Variants in ZNF423 observed in about 807,000 individuals in gnomAD.
ZNF423 encodes the protein zinc finger protein 423.
Under a neutral mutation model 95.8 loss-of-function variants are expected in ZNF423, and 12 were observed. That is an observed-to-expected ratio of 0.13 (90% CI 0.08 to 0.20). ZNF423 has a LOEUF of 0.20. ZNF423 is among the 10% of genes least tolerant of loss of function. The pLI is 1.00. For missense variants in ZNF423, 1,316 were observed against 1,737.1 expected, an observed-to-expected ratio of 0.76 and a Z score of 4.31; for synonymous variants, 749 against 711.9, an observed-to-expected ratio of 1.05 and a Z score of -0.83.
chr16:49,667,964 A>G (rs1164038634), intron 3 of ZNF423, among the ~76,000 whole-genome samples: 1 of 152,182 alleles, frequency 6.6e-6, no homozygotes, highest in Non-Finnish European at 1.5e-5. Context: ...GGCAGTGTGC[A>G]AAGAGGTCTG....
intron 6 of ZNF423, among the ~76,000 whole-genome samples, chr16:49,524,687 C>G (rs897682945): frequency 1.3e-5 from 2 of 152,218 alleles, no homozygotes; most frequent in African/African-American, 2.4e-5. Flanking sequence ...TTCAGAGATA[C>G]CCTCCTGCCA....
intron 1 of ZNF423, among the ~76,000 whole-genome samples, chr16:49,843,051 T>C (rs772798410): frequency 6.6e-6 from 1 of 151,876 alleles, no homozygotes; most frequent in Non-Finnish European, 1.5e-5. Context: ...GAAATGTGCA[T>C]TCATGCCCTA....
At chr16:49,505,641 G>A (rs902769867) in intron 7 of ZNF423, among the ~76,000 whole-genome samples, 3 of 152,210 alleles carry the variant, frequency 2.0e-5, no homozygotes, top group Non-Finnish European at 2.9e-5. Context: ...AGCTGAGACC[G>A]ATTACACTTT....
At chr16:49,775,359 G>C (rs2034103498) in intron 2 of ZNF423, among the ~76,000 whole-genome samples, 1 of 152,146 alleles carries the variant, frequency 6.6e-6, no homozygotes, top group South Asian at 2.1e-4. Flanking sequence ...GCTGCCAGGA[G>C]GCTCAAAGGC....
chr16:49,729,303 C>T (rs914817501), intron 3 of ZNF423, among the ~76,000 whole-genome samples: 1 of 152,134 alleles, frequency 6.6e-6, no homozygotes, highest in African/African-American at 2.4e-5. Flanking sequence ...CATGTTAATT[C>T]TTGGCTAAAT....
Position 49,720,603 on chromosome 16 carries a change from G to A in ZNF423, c.301+10168C>T, listed in dbSNP as rs758581814. Reference sequence around the variant, plus strand: ...ACATTCAAACCAAAAAAGGTTTGAGGATATACACACCAAGGATTCTGCTTC... The same window carrying A: ...ACATTCAAACCAAAAAAGGTTTGAGAATATACACACCAAGGATTCTGCTTC... On this transcript the variant is annotated intron_variant, in intron 3 of 7. Coordinates refer to ENST00000563137, the MANE Select transcript of ZNF423 (RefSeq NM_001379286.1). Among the ~76,000 whole-genome samples the A allele has an allele frequency of 5.0e-4, 76 of 152,218 alleles. 1 individual carries two copies. The highest frequency in any genetic ancestry group is 7.6e-4 in the Non-Finnish European group (52 of 68,044).
In ZNF423 at chr16:49,637,778, C is replaced by T. The variant is rs747287497; in HGVS notation, c.1398G>A (p.Glu466=). 1.9e-6 allele frequency: 3 copies of T among 1,614,108 alleles called. No homozygotes were observed. Among genetic ancestry groups the T allele is most frequent in the South Asian group, 1.1e-5 (1 of 91,078 alleles). Residue 466 remains glutamate, a synonymous_variant, in exon 4 of 8, where the codon GAG becomes GAA. Coordinates refer to ENST00000563137, the MANE Select transcript of ZNF423 (RefSeq NM_001379286.1). The surrounding 1 kb of genome is among the most constrained non-coding windows in gnomAD (Gnocchi z 5.6). ...DSMPTLYNLN[E]HVRKLHKNHA... ...GGTTCTTGTGCAGCTTGCGAACGTG[C>T]TCGTTGAGGTTGTAGAGGGTGGGCA...
At chr16:49,608,603 G>A (rs1359675488) in intron 5 of ZNF423, among the ~76,000 whole-genome samples, 1 of 152,180 alleles carries the variant, frequency 6.6e-6, no homozygotes. Context: ...TGACAAAGCG[G>A]TGAGGATCCT....
intron 7 of ZNF423, among the ~76,000 whole-genome samples, chr16:49,518,877 AGACC>A (rs1968269070): frequency 6.6e-6 from 1 of 152,216 alleles, no homozygotes; most frequent in African/African-American, 2.4e-5. Context: ...CAGTATCATG[AGACC>A]CCACCTATAA....
intron 1 of ZNF423, among the ~76,000 whole-genome samples, chr16:49,851,974 C>T (rs977161422): frequency 6.6e-6 from 1 of 152,138 alleles, no homozygotes; most frequent in Admixed American, 6.5e-5. Flanking sequence ...TTTGTTTTGC[C>T]CTTCCTACAA....
At chr16:49,599,388 C>A (rs1971284204) in intron 5 of ZNF423, among the ~76,000 whole-genome samples, 1 of 152,220 alleles carries the variant, frequency 6.6e-6, no homozygotes, top group African/African-American at 2.4e-5. Context: ...TCAGTGTTCC[C>A]TGGGACTGTG....
intron 7 of ZNF423, among the ~76,000 whole-genome samples, chr16:49,516,638 A>C (rs1199949496): frequency 6.6e-6 from 1 of 152,230 alleles, no homozygotes. Context: ...GCACACTTCT[A>C]CCGACAGGGA....
chr16:49,663,387 C>T (rs1372539761), intron 3 of ZNF423, among the ~76,000 whole-genome samples: 4 of 152,124 alleles, frequency 2.6e-5, no homozygotes, highest in Non-Finnish European at 4.4e-5. Flanking sequence ...CCACTGAGGC[C>T]CCCCAGCCCA....
chr16:49,490,058 C>T lies in ZNF423; in HGVS notation c.*1217G>A, dbSNP rs1250954080. On this transcript the variant is annotated 3_prime_UTR_variant, in exon 8 of 8. Coordinates refer to ENST00000563137, the MANE Select transcript of ZNF423 (RefSeq NM_001379286.1). ...CTGCCTGCCTCACTCCAGACCTGGC[C>T]CCCGCCACCAGTCTCAATGCTCTCA... 1.3e-5 allele frequency: 2 copies of T among 152,324 alleles called. No individual in the cohort carries two copies. The highest frequency in any genetic ancestry group is 6.5e-5 in the Admixed American group (1 of 15,292). The allele number at this position is 152,324 out of a possible 1,614,324, so 9.4% of individuals were successfully genotyped here. A position where few individuals can be genotyped will look rare whatever the true frequency, so the allele number is the denominator to read the frequency against.
chr16:49,577,007 A>T (rs1970520089), intron 5 of ZNF423, among the ~76,000 whole-genome samples: 1 of 152,244 alleles, frequency 6.6e-6, no homozygotes, highest in Non-Finnish European at 1.5e-5. Context: ...TTCTCAAAAG[A>T]ATCTGGAAAT....
intron 7 of ZNF423, among the ~76,000 whole-genome samples, chr16:49,513,738 G>A (rs1403992706): frequency 6.6e-6 from 1 of 152,140 alleles, no homozygotes; most frequent in Non-Finnish European, 1.5e-5. Flanking sequence ...AGAGTTTGGT[G>A]TAGACGTAGT....
chr16:49,518,029 C>T (rs1968225223), intron 7 of ZNF423: 3 of 451,308 alleles, frequency 6.6e-6, no homozygotes, highest in South Asian at 4.7e-5. Context: ...ACACTTCCTC[C>T]TGGTGATGAT....
chr16:49,856,369 C>G (rs1249764277), upstream of ZNF423, among the ~76,000 whole-genome samples: 1 of 147,490 alleles, frequency 6.8e-6, no homozygotes, highest in Non-Finnish European at 1.5e-5. Flanking sequence ...TCGAGGGTAT[C>G]TCAAGGGGGG....
At chr16:49,528,908 C>T (rs960209326) in intron 5 of ZNF423, among the ~76,000 whole-genome samples, 4 of 152,092 alleles carry the variant, frequency 2.6e-5, no homozygotes, top group Admixed American at 6.5e-5. Context: ...ACCCCGCAGG[C>T]GCTGACAACC....
Sources: gnomAD v4.1 joint callset for allele counts (sites outside exome capture counted in the v4.1 genomes callset) on GRCh38, gnomAD v4.1.1 for gene constraint, Gnocchi (gnomAD v3.1) non-coding constraint, MANE v1.5 for transcripts, NCBI Gene and HGNC (gene_info 2026-07-23, HGNC 2026-07-21) for gene names.